Variants in RELN observed in about 807,000 individuals in gnomAD.
RELN encodes the protein reelin.
RELN carries 108 observed loss-of-function variants against 427.6 expected under a neutral mutation model. The observed-to-expected ratio is 0.25, with a 90% confidence interval of 0.22 to 0.30. The LOEUF (loss-of-function observed/expected upper bound fraction) is 0.30. RELN is among the 10% of genes least tolerant of loss of function. The pLI is 1.00. For missense variants in RELN, 3,715 were observed against 4,302.8 expected (o/e 0.86, Z 3.82); for synonymous variants, 1,524 against 1,513.4 (o/e 1.01, Z -0.16).
chr7:103,561,861 C>T lies in RELN; in HGVS notation c.5303G>A (p.Cys1768Tyr), dbSNP rs1252850493. 2 of 1,613,100 alleles carry T rather than the reference C, an allele frequency of 1.2e-6. No individual in the cohort carries two copies. Among genetic ancestry groups the T allele is most frequent in the Non-Finnish European group, 1.7e-6 (2 of 1,179,766 alleles). ...CCCTCGTCCTGAGCACATCCAAGGG[C>T]ACCCTGAGGCCAGTACAACATTATC... is the stretch of plus-strand genomic sequence containing the variant. ...AIDNVVLASG[C>Y]PWMCSGRGIC... Residue 1768 changes from cysteine to tyrosine, a missense_variant, in exon 35 of 65, where the codon TGC becomes TAC. Physicochemically the swap from Cys to Tyr is radical, Grantham distance 194 (BLOSUM62 -2). Coordinates refer to ENST00000428762, the MANE Select transcript of RELN (RefSeq NM_005045.4).
At position 103,773,487 on chromosome 7, in the gene RELN, CTTT is replaced by C. The variant is rs1178622395; in HGVS notation, c.544+3067_544+3069del. On this transcript the variant is annotated intron_variant, in intron 4 of 64. Transcript: ENST00000428762. ...TCTCTCTCTCTCTCTCTCTTTCTTT[CTTT>C]TGACAGAGTCTCACTGTTGCTCAGG... Among the ~76,000 whole-genome samples the C allele has an allele frequency of 5.6e-5, 8 of 143,744 alleles. 1 individual carries two copies. Among genetic ancestry groups the C allele is most frequent in the African/African-American group, 2.1e-4 (8 of 38,718 alleles). The allele number at this position is 143,744 out of a possible 152,430, so 94.3% of individuals were successfully genotyped here.
At chr7:103,749,577 A>T in intron 5 of RELN, 73 bp from the exon 6 acceptor site, 1 of 1,054,384 alleles carries the variant, frequency 9.5e-7, no homozygotes. Context: ...AAGTGCCAAC[A>T]TGCTGTATTT....
rs1833145011 is a variant in RELN, at chr7:103,661,567, T to C, written c.1290-40A>G. On this transcript the variant is annotated intron_variant, in intron 11 of 64. Coordinates refer to ENST00000428762, the MANE Select transcript of RELN (RefSeq NM_005045.4). ...GGATTAAGAGTTAGAGTTAGAATAT[T>C]AAGCCAAATCTTTATAAAGAATAAC... 5.1e-6 allele frequency: 8 copies of C among 1,578,282 alleles called. No individual in the cohort carries two copies. In the Admixed American group the frequency reaches 1.0e-4, roughly 20 times the overall value.
chr7:103,643,085 GT>G (rs1832726467), intron 16 of RELN, among the ~76,000 whole-genome samples: 1 of 152,022 alleles, frequency 6.6e-6, no homozygotes, highest in Non-Finnish European at 1.5e-5. Flanking sequence ...CTTGTCTAAA[GT>G]TTTTCTCCAG....
At chr7:103,647,716 T>C (rs533489839) in intron 16 of RELN, among the ~76,000 whole-genome samples, 4 of 152,058 alleles carry the variant, frequency 2.6e-5, no homozygotes, top group African/African-American at 7.2e-5. Context: ...CTAAAATTCA[T>C]ATGGAACCAA....
chr7:103,965,804 G>T (rs997299327), intron 1 of RELN, among the ~76,000 whole-genome samples: 2 of 152,016 alleles, frequency 1.3e-5, no homozygotes, highest in Non-Finnish European at 2.9e-5. Flanking sequence ...ATTTGGAAAA[G>T]ATTTTATTTT....
chr7:103,897,037 AG>A lies in RELN; in HGVS notation c.337+20037del, dbSNP rs368036282. On this transcript the variant is annotated intron_variant, in intron 2 of 64. Transcript: ENST00000428762. ...CGGCAGCAGGCAAGAAAGCTTGTGT[AG>A]GGGAACTCCCCTTTATAAAACCATC... is the stretch of plus-strand genomic sequence containing the variant. Among the ~76,000 whole-genome samples, 397 of 152,134 alleles carry A rather than the reference AG, an allele frequency of 2.6e-3. 3 individuals carry two copies. The highest frequency in any genetic ancestry group is 9.2e-3 in the African/African-American group (382 of 41,520).
intron 3 of RELN, among the ~76,000 whole-genome samples, chr7:103,796,120 T>C (rs1278713067): frequency 6.6e-6 from 1 of 152,232 alleles, no homozygotes; most frequent in Admixed American, 6.5e-5. Context: ...CCTGGAGTTA[T>C]ATGCAGTAAA....
intron 1 of RELN, among the ~76,000 whole-genome samples, chr7:103,979,665 C>T (rs7787263): frequency 0.015 from 2,357 of 152,310 alleles, 62 homozygotes; most frequent in African/African-American, 0.054. Context: ...GGACTTCTAC[C>T]GTGTGCCACA....
chr7:103,857,164 C>A (rs567294931), intron 2 of RELN, among the ~76,000 whole-genome samples: 19 of 152,224 alleles, frequency 1.2e-4, no homozygotes, highest in South Asian at 1.0e-3. Flanking sequence ...GAGATTAGGT[C>A]TGCATTATAA....
At chr7:103,713,851 T>C (rs1789866207) in intron 8 of RELN, among the ~76,000 whole-genome samples, 1 of 152,172 alleles carries the variant, frequency 6.6e-6, no homozygotes, top group African/African-American at 2.4e-5. Flanking sequence ...AGTTTGATAG[T>C]TCTATGAACA....
At chr7:103,727,749 G>T (rs1325113272) in intron 7 of RELN, among the ~76,000 whole-genome samples, 1 of 152,074 alleles carries the variant, frequency 6.6e-6, no homozygotes, top group Non-Finnish European at 1.5e-5. Flanking sequence ...GTTTTGACTT[G>T]CAAGGAGAAA....
Position 103,640,467 on chromosome 7 carries a change from T to C in RELN, c.2069+76A>G. On this transcript the variant is annotated intron_variant, in intron 17 of 64. Coordinates refer to ENST00000428762, the MANE Select transcript of RELN (RefSeq NM_005045.4). This position sits in a 1 kb window ranked among gnomAD's most constrained non-coding sequence, Gnocchi z 4.1. ...AGATCCCCGATCCTAAAAAAGGTTA[T>C]TAAATGACTTGCGACTTCAACACAT... 2 of 1,447,142 alleles carry C rather than the reference T, an allele frequency of 1.4e-6. No homozygotes were observed. Among genetic ancestry groups the C allele is most frequent in the African/African-American group, 1.4e-5 (1 of 71,750 alleles). 89.6% of individuals were successfully genotyped at this position (1,447,142 alleles called of 1,614,324 possible). A position where few individuals can be genotyped will look rare whatever the true frequency, so the allele number is the denominator to read the frequency against.
intron 1 of RELN, among the ~76,000 whole-genome samples, chr7:103,956,243 A>C (rs748888423): frequency 6.6e-6 from 1 of 152,152 alleles, no homozygotes; most frequent in Non-Finnish European, 1.5e-5. Flanking sequence ...CACTATGCTG[A>C]TGGTAGTCAA....
chr7:103,719,269 T>A (rs997181695), intron 8 of RELN, among the ~76,000 whole-genome samples: 1 of 152,112 alleles, frequency 6.6e-6, no homozygotes, highest in African/African-American at 2.4e-5. Context: ...TCCCCTCCAA[T>A]GTCTTGCCTG....
At chr7:103,615,331 C>T (rs780558549) in intron 20 of RELN, among the ~76,000 whole-genome samples, 5 of 152,178 alleles carry the variant, frequency 3.3e-5, no homozygotes, top group Non-Finnish European at 4.4e-5. Flanking sequence ...ATTTGAGTCT[C>T]CACAGTTCTC....
intron 51 of RELN, chr7:103,504,494 T>A (rs1829142220): frequency 6.6e-6 from 1 of 152,330 alleles, no homozygotes; most frequent in Non-Finnish European, 1.5e-5. Context: ...ACAGCTCCAG[T>A]CTGCAGCTCC....
intron 2 of RELN, among the ~76,000 whole-genome samples, chr7:103,872,169 C>T (rs113897661): frequency 7.4e-6 from 1 of 135,364 alleles, no homozygotes; most frequent in African/African-American, 2.7e-5. Context: ...CCCACTAACT[C>T]GTCATCTAGC....
rs780749647 is a variant in RELN at position 103,566,644 on chromosome 7, C to T, written c.4704G>A (p.Ala1568=). 69 of 1,614,156 alleles carry T rather than the reference C, an allele frequency of 4.3e-5. No homozygotes were observed. The highest frequency in any genetic ancestry group is 3.3e-4 in the African/African-American group (25 of 75,036). ...ATCGAAATGCCGTTGCAGGTGTCTT[C>T]GCGTCCTGTGGCAGGTCAATGGAAA... ...QIISIDLPQD[A]KTPATAFRWW... The change falls in exon 32 of 65, where the codon GCG becomes GCA. Residue 1568 remains alanine, a synonymous_variant. Transcript: ENST00000428762.
Sources: allele counts gnomAD v4.1 joint callset (sites outside exome capture counted in the v4.1 genomes callset), GRCh38; gene constraint gnomAD v4.1.1; non-coding constraint Gnocchi (gnomAD v3.1); transcripts MANE v1.5; gene names NCBI Gene and HGNC (gene_info 2026-07-23, HGNC 2026-07-21).